The following ADGRL2 variants were observed in gnomAD, a reference collection of about 807,000 sequenced individuals.
ADGRL2 encodes calcium-independent alpha-latrotoxin receptor 2.
Under a neutral mutation model 157.4 loss-of-function variants are expected in ADGRL2, and 44 were observed. That is an observed-to-expected ratio of 0.28 (90% CI 0.22 to 0.36). The LOEUF (loss-of-function observed/expected upper bound fraction) is 0.36, where lower values mean the gene tolerates loss of function less well. Among genes scored for constraint, ADGRL2 ranks in the 10% least tolerant of loss-of-function variants. The pLI, the probability that ADGRL2 is intolerant of heterozygous loss-of-function variation, is 1.00. For synonymous variants in ADGRL2, 585 were observed against 624.7 expected (o/e 0.94, Z 0.95); for missense variants, 1,510 against 1,768.9 (o/e 0.85, Z 2.63).
At chr1:81,659,426 A>G (rs1487587641) in intron 3 of ADGRL2, among the ~76,000 whole-genome samples, 1 of 152,164 alleles carries the variant, frequency 6.6e-6, no homozygotes, top group African/African-American at 2.4e-5. Context: ...AGTGCATGCC[A>G]ATGGGAATGA....
chr1:81,747,987 CT>C (rs2085356385), intron 1 of ADGRL2, among the ~76,000 whole-genome samples: 1 of 151,984 alleles, frequency 6.6e-6, no homozygotes, highest in African/African-American at 2.4e-5. Flanking sequence ...TTTAAAATTC[CT>C]TGTTTGGTGC....
chr1:81,808,821 C>T (rs1007459703), intron 1 of ADGRL2, among the ~76,000 whole-genome samples: 3 of 151,990 alleles, frequency 2.0e-5, no homozygotes, highest in African/African-American at 7.2e-5. Context: ...TTTATTACCA[C>T]CTTGATTAAT....
chr1:81,852,485 C>A (rs970972402), intron 2 of ADGRL2, among the ~76,000 whole-genome samples: 1 of 152,082 alleles, frequency 6.6e-6, no homozygotes, highest in Non-Finnish European at 1.5e-5. Context: ...CTATGTTTGT[C>A]ATTTAATAAT....
chr1:81,352,173 C>G (rs1269719480), intron 1 of ADGRL2, among the ~76,000 whole-genome samples: 1 of 152,230 alleles, frequency 6.6e-6, no homozygotes, highest in Non-Finnish European at 1.5e-5. Flanking sequence ...TGTCACTTGA[C>G]TCTTGAGCCC....
chr1:81,361,507 A>T lies in ADGRL2; in HGVS notation c.-302+54998A>T, dbSNP rs538446670. On this transcript the variant is annotated intron_variant, in intron 1 of 24. Transcript: ENST00000370721. Reference sequence around the variant, plus strand: ...AAAGCCTTGAGGAAGTCCTTAAGTAAGTGCTCCTTAAGGACGGGAACACTG... The same window carrying T: ...AAAGCCTTGAGGAAGTCCTTAAGTATGTGCTCCTTAAGGACGGGAACACTG... 3.3e-5 allele frequency among the ~76,000 whole-genome samples: 5 copies of T among 152,062 alleles called. No individual in the cohort carries two copies. The East Asian group carries it at 9.7e-4, about 29-fold the overall frequency.
intron 2 of ADGRL2, among the ~76,000 whole-genome samples, chr1:81,864,012 TAAAA>T (rs2093463056): frequency 6.6e-6 from 1 of 152,320 alleles, no homozygotes; most frequent in South Asian, 2.1e-4. Flanking sequence ...GAGGAAGAGC[TAAAA>T]ATCCTAGAAT....
At chr1:81,415,278 T>C (rs1422184682) in intron 1 of ADGRL2, among the ~76,000 whole-genome samples, 1 of 152,226 alleles carries the variant, frequency 6.6e-6, no homozygotes, top group East Asian at 1.9e-4. Flanking sequence ...TTGAATGACT[T>C]GCTGATGTCA....
intron 3 of ADGRL2, among the ~76,000 whole-genome samples, chr1:81,627,792 T>C (rs1377268820): frequency 6.6e-6 from 1 of 152,158 alleles, no homozygotes; most frequent in Non-Finnish European, 1.5e-5. Flanking sequence ...TGAGAGATCC[T>C]CTGAAGCTCT....
chr1:81,715,459 G>A (rs1227977514), intron 1 of ADGRL2, among the ~76,000 whole-genome samples: 1 of 152,094 alleles, frequency 6.6e-6, no homozygotes, highest in Non-Finnish European at 1.5e-5. Context: ...TAGTGTGTAT[G>A]TGCATCTTGT....
intron 1 of ADGRL2, among the ~76,000 whole-genome samples, chr1:81,409,381 C>A (rs1013126880): frequency 1.3e-5 from 2 of 152,144 alleles, no homozygotes; most frequent in Non-Finnish European, 2.9e-5. Context: ...TTTGAATCTG[C>A]AAATATGTCC....
At chr1:81,773,674 G>A (rs2086464879) in intron 2 of ADGRL2, among the ~76,000 whole-genome samples, 1 of 152,176 alleles carries the variant, frequency 6.6e-6, no homozygotes, top group South Asian at 2.1e-4. Flanking sequence ...CAAAAGCAAT[G>A]AAAGGGACTG....
chr1:81,534,142 T>A (rs1557436200), intron 2 of ADGRL2, among the ~76,000 whole-genome samples: 1 of 152,062 alleles, frequency 6.6e-6, no homozygotes, highest in Non-Finnish European at 1.5e-5. Context: ...TTATTTTATT[T>A]CATTTTATTT....
intron 3 of ADGRL2, among the ~76,000 whole-genome samples, chr1:81,586,928 G>A (rs2148569045): frequency 6.6e-6 from 1 of 152,164 alleles, no homozygotes; most frequent in East Asian, 1.9e-4. Flanking sequence ...TAGAGGGAAA[G>A]TTATATAATT....
intron 3 of ADGRL2, among the ~76,000 whole-genome samples, chr1:81,634,523 T>G (rs1158642692): frequency 9.4e-5 from 14 of 148,188 alleles, no homozygotes; most frequent in African/African-American, 2.0e-4. Context: ...TTTTTTTTTT[T>G]TTGGTTTTTT....
intron 2 of ADGRL2, among the ~76,000 whole-genome samples, chr1:81,896,660 G>A (rs760960310): frequency 2.0e-5 from 3 of 151,664 alleles, no homozygotes; most frequent in Non-Finnish European, 4.4e-5. Flanking sequence ...AACATCTTCT[G>A]GTACATAAGA....
chr1:81,829,764 G>A (rs1338231641), intron 1 of ADGRL2, among the ~76,000 whole-genome samples: 1 of 152,170 alleles, frequency 6.6e-6, no homozygotes, highest in Non-Finnish European at 1.5e-5. Flanking sequence ...ACTTAAGGTA[G>A]AATCAGGACC....
upstream of ADGRL2, among the ~76,000 whole-genome samples, chr1:81,796,145 C>T (rs1442966115): frequency 2.0e-5 from 3 of 152,060 alleles, no homozygotes; most frequent in African/African-American, 4.8e-5. Context: ...CGCCTGCCAC[C>T]GTGCCCAGCT....
chr1:81,579,020 G>A (rs1054189414), intron 2 of ADGRL2, among the ~76,000 whole-genome samples: 2 of 152,098 alleles, frequency 1.3e-5, no homozygotes, highest in African/African-American at 4.8e-5. Flanking sequence ...GAACAGTGTA[G>A]CCACTAATGA....
chr1:81,526,447 TAAA>T (rs2079458240), intron 2 of ADGRL2, among the ~76,000 whole-genome samples: 1 of 152,194 alleles, frequency 6.6e-6, no homozygotes, highest in South Asian at 2.1e-4. Flanking sequence ...GCAAACTACT[TAAA>T]AAGATATGTA....
Sources: gnomAD v4.1 joint callset for allele counts (sites outside exome capture counted in the v4.1 genomes callset) on GRCh38, gnomAD v4.1.1 for gene constraint, MANE v1.5 for transcripts, NCBI Gene and HGNC (gene_info 2026-07-23, HGNC 2026-07-21) for gene names.